The following PIK3R5 variants were observed in gnomAD, a reference collection of about 807,000 sequenced individuals.
The protein encoded by PIK3R5 is phosphoinositide 3-kinase regulatory subunit 5.
PIK3R5 carries 32 observed loss-of-function variants against 94.9 expected under a neutral mutation model. The observed-to-expected ratio is 0.34, with a 90% CI of 0.25 to 0.45. The LOEUF is 0.45. PIK3R5 is among the 20% of genes least tolerant of loss of function. The pLI, the probability that PIK3R5 is intolerant of heterozygous loss-of-function variation, is 1.00. For missense variants in PIK3R5, 853 were observed against 1,144.6 expected (o/e 0.75, Z 3.68); for synonymous variants, 443 against 479.4 (o/e 0.92, Z 0.99).
At chr17:8,934,233 G>T (rs1379973543) in intron 1 of PIK3R5, among the ~76,000 whole-genome samples, 3 of 152,188 alleles carry the variant, frequency 2.0e-5, no homozygotes, top group African/African-American at 7.2e-5. Context: ...CAAGGTTACA[G>T]AATACAAAGT....
intron 1 of PIK3R5, among the ~76,000 whole-genome samples, chr17:8,913,875 G>A (rs959806094): frequency 1.3e-5 from 2 of 152,176 alleles, no homozygotes; most frequent in South Asian, 2.1e-4. Flanking sequence ...AGCTCAGGTC[G>A]TGAGTCCACT....
chr17:8,951,244 C>T (rs1906234767), intron 1 of PIK3R5, among the ~76,000 whole-genome samples: 1 of 152,192 alleles, frequency 6.6e-6, no homozygotes, highest in South Asian at 2.1e-4. Flanking sequence ...TTCTCCCATT[C>T]TGTAGGTTGT....
In PIK3R5 at chr17:8,909,296, C is replaced by CT. The variant is rs796666707; in HGVS notation, c.104-123dup. 33,193 of 476,444 alleles carry CT rather than the reference C, an allele frequency of 0.07. 2 individuals carry two copies. Among genetic ancestry groups the CT allele is most frequent in the East Asian group, 0.085 (2,251 of 26,468 alleles). The allele number at this position is 476,444 out of a possible 1,614,324, so 29.5% of individuals were successfully genotyped here. A position where few individuals can be genotyped will look rare whatever the true frequency, so the allele number is the denominator to read the frequency against. On this transcript the variant is annotated intron_variant, in intron 2 of 18. Transcript: ENST00000447110. The surrounding 1 kb of genome is among the most constrained non-coding windows in gnomAD (Gnocchi z 4.3). ...TTCTGTGGTATTGCACTGGAACACT[C>CT]TTTTTTTTTTTTGAGACAGAGTCTT...
intron 1 of PIK3R5, among the ~76,000 whole-genome samples, chr17:8,917,677 C>T (rs570807648): frequency 8.5e-5 from 13 of 152,226 alleles, no homozygotes; most frequent in Admixed American, 3.3e-4. Flanking sequence ...ACCGGCCTGA[C>T]CAATATGGTG....
chr17:8,948,963 A>G (rs898596117), intron 1 of PIK3R5, among the ~76,000 whole-genome samples: 1 of 152,214 alleles, frequency 6.6e-6, no homozygotes, highest in Non-Finnish European at 1.5e-5. Flanking sequence ...GAGAATGTCT[A>G]TTAGCAAAGC....
rs528143983 is a variant in PIK3R5 at position 8,932,094 on chromosome 17, T to TAAAA, written c.-13-20591_-13-20588dup. On this transcript the variant is annotated intron_variant, in intron 1 of 18. Transcript: ENST00000447110. ...ATTACTAGGGAAGTAATTCAATGAATAAAAACCAAAGAGAGTAGGTATGTT... is the reference window on the plus strand; with the variant it reads ...ATTACTAGGGAAGTAATTCAATGAATAAAAAAAAACCAAAGAGAGTAGGTATGTT... 2.7e-3 allele frequency among the ~76,000 whole-genome samples: 404 copies of TAAAA among 152,186 alleles called. 4 individuals are homozygous for TAAAA. Among genetic ancestry groups the TAAAA allele is most frequent in the African/African-American group, 9.2e-3 (381 of 41,498 alleles).
chr17:8,917,523 G>A (rs2090653971), intron 1 of PIK3R5, among the ~76,000 whole-genome samples: 1 of 152,130 alleles, frequency 6.6e-6, no homozygotes, highest in Admixed American at 6.5e-5. Flanking sequence ...GACAAATACT[G>A]TTTTCCAGTT....
Position 8,893,662 on chromosome 17 carries a change from G to A in PIK3R5, c.413-7C>T, listed in dbSNP as rs761330654. The A allele has an allele frequency of 6.2e-7, 1 of 1,611,746 alleles. No homozygotes were observed. Among genetic ancestry groups the A allele is most frequent in the African/African-American group, 1.3e-5 (1 of 74,884 alleles). On this transcript the variant is annotated splice_polypyrimidine_tract_variant and splice_region_variant and intron_variant, in intron 5 of 18. Transcript: ENST00000447110. This position sits in a 1 kb window ranked among gnomAD's most constrained non-coding sequence, Gnocchi z 5.1. ...AGTCTCTGGTAGGAGATCCCTGTGGGTCAAGAAGAAAAGAGTTCATGGGCT... is the reference window on the plus strand; with the variant it reads ...AGTCTCTGGTAGGAGATCCCTGTGGATCAAGAAGAAAAGAGTTCATGGGCT...
intron 5 of PIK3R5, among the ~76,000 whole-genome samples, chr17:8,895,378 C>G (rs1348006922): frequency 1.3e-5 from 2 of 152,214 alleles, no homozygotes; most frequent in Non-Finnish European, 2.9e-5. Flanking sequence ...CCAAGGACAT[C>G]CAGGCGGTCA....
rs2090376589 is a variant in PIK3R5 at position 8,905,593 on chromosome 17, G to A, written c.273+76C>T. ...TCTCTCTGCTTATCTCCAGAGGTGT[G>A]AGGGCTCTGCCCCAGATAGAGGTCG... On this transcript the variant is annotated intron_variant, in intron 4 of 18. Coordinates refer to ENST00000447110, the MANE Select transcript of PIK3R5 (RefSeq NM_001142633.3). 5.6e-6 allele frequency: 6 copies of A among 1,073,222 alleles called. No individual in the cohort carries two copies. In the South Asian group the frequency reaches 8.8e-5, roughly 16 times the overall value. 66.5% of individuals were successfully genotyped at this position (1,073,222 alleles called of 1,614,324 possible).
intron 5 of PIK3R5, among the ~76,000 whole-genome samples, chr17:8,900,883 G>C (rs541962695): frequency 1.3e-5 from 2 of 152,078 alleles, no homozygotes; most frequent in African/African-American, 4.8e-5. Flanking sequence ...TTGAAACTGG[G>C]AAGTGGTCTC....
Position 8,888,383 on chromosome 17 carries a change from T to A in PIK3R5, c.1404A>T (p.Ser468=). Residue 468 remains serine (S), a synonymous_variant, in exon 10 of 19, where the codon TCA becomes TCT. Transcript: ENST00000447110. This position sits in a 1 kb window ranked among gnomAD's most constrained non-coding sequence, Gnocchi z 7.8. ...SLCSPLDEPV[S]PPSRAQRSRS... ...GGGAGCGCTGGGCCCGGGAAGGGGG[T>A]GATACTGGTTCGTCCAGGGGGCTGC... is the stretch of plus-strand genomic sequence containing the variant. The A allele has an allele frequency of 1.9e-6, 3 of 1,603,116 alleles. No individual in the cohort carries two copies. The highest frequency in any genetic ancestry group is 1.7e-6 in the Non-Finnish European group (2 of 1,176,814).
chr17:8,962,484 G>C (rs748802474), intron 1 of PIK3R5, among the ~76,000 whole-genome samples: 3 of 152,172 alleles, frequency 2.0e-5, no homozygotes, highest in East Asian at 1.9e-4. Flanking sequence ...CTGATACTTA[G>C]AAGGTAGAGC....
Position 8,953,674 on chromosome 17 carries a change from C to T in PIK3R5, c.-14+11922G>A, listed in dbSNP as rs78825650. Among the ~76,000 whole-genome samples the T allele has an allele frequency of 8.2e-3, 1,255 of 152,314 alleles. 45 individuals carry two copies. The East Asian group carries it at 0.11, about 14-fold the overall frequency. ...GTGAGCCCCATCTTTTGATCACCCA[C>T]TCTTGGGTTACCCACCCACTGAAGA... On this transcript the variant is annotated intron_variant, in intron 1 of 18. Coordinates refer to ENST00000447110, the MANE Select transcript of PIK3R5 (RefSeq NM_001142633.3).
chr17:8,886,415 G>T, intron 13 of PIK3R5, 62 bp downstream of exon 13: 1 of 1,601,696 alleles, frequency 6.2e-7, no homozygotes. Context: ...TCCCGGGGCA[G>T]GGGTGGGGCC....
At chr17:8,931,556 A>G (rs994905809) in intron 1 of PIK3R5, among the ~76,000 whole-genome samples, 1 of 152,226 alleles carries the variant, frequency 6.6e-6, no homozygotes, top group Non-Finnish European at 1.5e-5. Context: ...CAAGCAGAGT[A>G]CAGGGGGCTT....
chr17:8,886,687 G>C, intron 12 of PIK3R5, 82 bp from the exon 13 acceptor site: 1 of 1,453,698 alleles, frequency 6.9e-7, no homozygotes, highest in Non-Finnish European at 9.3e-7. Flanking sequence ...GGGAGGAAGA[G>C]AGAAGAGAGA....
intron 1 of PIK3R5, among the ~76,000 whole-genome samples, chr17:8,961,078 G>A (rs140896917): frequency 4.7e-4 from 72 of 152,268 alleles, no homozygotes; most frequent in Middle Eastern, 3.4e-3. Flanking sequence ...AGGAGGGGGC[G>A]GTCAGTGCTG....
intron 1 of PIK3R5, among the ~76,000 whole-genome samples, chr17:8,949,026 T>C (rs2091328313): frequency 6.6e-6 from 1 of 151,988 alleles, no homozygotes; most frequent in Non-Finnish European, 1.5e-5. Flanking sequence ...GGAGCTGCCC[T>C]GGGTGAGATT....
Sources: gnomAD v4.1 joint callset for allele counts (sites outside exome capture counted in the v4.1 genomes callset) on GRCh38, gnomAD v4.1.1 for gene constraint, Gnocchi (gnomAD v3.1) non-coding constraint, MANE v1.5 for transcripts, NCBI Gene and HGNC (gene_info 2026-07-23, HGNC 2026-07-21) for gene names.